RASSF3: variants seen among roughly 807,000 people sequenced by gnomAD.
RASSF3 encodes ras association domain-containing protein 3.
A neutral mutation model predicts 19.9 loss-of-function variants in RASSF3; 19 were observed. The ratio of observed to expected loss-of-function variants is 0.96; its 90% confidence interval spans 0.67 to 1.40. The LOEUF is 1.40. Ranked by LOEUF, RASSF3 falls within the 40% of genes most tolerant of loss-of-function variation. The pLI, the probability that RASSF3 is intolerant of heterozygous loss-of-function variation, is 0.00. For missense variants in RASSF3, 306 were observed against 289.8 expected (o/e 1.06, Z -0.41); for synonymous variants, 110 against 104.2 (o/e 1.06, Z -0.34).
chr12:64,509,007 C>T (rs1460769183), intron 1 of RASSF3, among the ~76,000 whole-genome samples: 6 of 150,742 alleles, frequency 4.0e-5, no homozygotes, highest in African/African-American at 1.2e-4. Flanking sequence ...TTTTTTCATT[C>T]TCACTGTCAA....
At chr12:64,617,420 A>G (rs1282949178) in intron 1 of RASSF3, among the ~76,000 whole-genome samples, 1 of 152,202 alleles carries the variant, frequency 6.6e-6, no homozygotes, top group South Asian at 2.1e-4. Flanking sequence ...AATGTTTTTA[A>G]AAAGCTTACC....
intron 3 of RASSF3, among the ~76,000 whole-genome samples, chr12:64,689,750 A>C (rs1873503683): frequency 7.1e-6 from 1 of 140,382 alleles, no homozygotes; most frequent in Admixed American, 7.2e-5. Context: ...ACCGGAGCTT[A>C]TATTCTGATT....
intron 1 of RASSF3, among the ~76,000 whole-genome samples, chr12:64,613,180 A>C (rs1019077351): frequency 1.3e-5 from 2 of 152,038 alleles, no homozygotes; most frequent in Non-Finnish European, 2.9e-5. Flanking sequence ...TTAATGTAGA[A>C]TGTTCCTTTT....
upstream of RASSF3, among the ~76,000 whole-genome samples, chr12:64,532,784 G>A (rs897674918): frequency 2.0e-5 from 3 of 151,658 alleles, no homozygotes; most frequent in Admixed American, 1.3e-4. Context: ...GCAGTGAGCC[G>A]AGTCATGCCA....
At chr12:64,630,160 T>C (rs987176475) in intron 1 of RASSF3, among the ~76,000 whole-genome samples, 11 of 152,096 alleles carry the variant, frequency 7.2e-5, no homozygotes, top group Admixed American at 6.6e-4. Context: ...GATTTTAAGA[T>C]TTTTCATTCA....
chr12:64,568,474 G>A (rs1374193015), intron 2 of RASSF3, among the ~76,000 whole-genome samples: 3 of 152,084 alleles, frequency 2.0e-5, no homozygotes, highest in Non-Finnish European at 4.4e-5. Context: ...TTCAAGTTGG[G>A]TGGGGCCATT....
intron 1 of RASSF3, among the ~76,000 whole-genome samples, chr12:64,635,126 G>T (rs1256268687): frequency 6.6e-6 from 1 of 151,796 alleles, no homozygotes; most frequent in African/African-American, 2.4e-5. Flanking sequence ...GCTAATTTTT[G>T]TATTTTTTGG....
At chr12:64,516,271 T>C (rs1289707595) in intron 1 of RASSF3, among the ~76,000 whole-genome samples, 1 of 152,144 alleles carries the variant, frequency 6.6e-6, no homozygotes, top group East Asian at 1.9e-4. Flanking sequence ...GTTCTAAATA[T>C]ACCATAAGAT....
In RASSF3 at chr12:64,561,759, C is replaced by T. The variant is rs1288222010; in HGVS notation, c.294+20054C>T. 4.0e-5 allele frequency among the ~76,000 whole-genome samples: 5 copies of T among 125,550 alleles called. 1 individual carries two copies. The South Asian group carries it at 7.9e-4, about 20-fold the overall frequency. 82.4% of individuals were successfully genotyped at this position (125,550 alleles called of 152,430 possible). ...AGATGGAGTCTCACTATGTCATGATCTCAGCTCACCGCAACCTCCACCTCC... is the reference window on the plus strand; with the variant it reads ...AGATGGAGTCTCACTATGTCATGATTTCAGCTCACCGCAACCTCCACCTCC... On this transcript the variant is annotated intron_variant, in intron 2 of 5. Coordinates refer to the RASSF3 transcript ENST00000637125.
intron 1 of RASSF3, among the ~76,000 whole-genome samples, chr12:64,620,884 A>G (rs1004319905): frequency 6.6e-6 from 1 of 152,118 alleles, no homozygotes; most frequent in African/African-American, 2.4e-5. Context: ...AAAAAACTTC[A>G]ATAACTAAAG....
At chr12:64,678,648 C>A (rs376427695) in intron 1 of RASSF3, among the ~76,000 whole-genome samples, 210 of 90,796 alleles carry the variant, frequency 2.3e-3, no homozygotes, top group South Asian at 5.5e-3. Context: ...TCCGTAATAC[C>A]AAAAAAAAAA....
chr12:64,643,744 G>T (rs1381302519), intron 1 of RASSF3, among the ~76,000 whole-genome samples: 3 of 152,000 alleles, frequency 2.0e-5, no homozygotes, highest in Admixed American at 6.6e-5. Flanking sequence ...AAAATGTTTT[G>T]CATGTGAATT....
chr12:64,546,596 A>G (rs1869068148), downstream of RASSF3, among the ~76,000 whole-genome samples: 2 of 152,202 alleles, frequency 1.3e-5, no homozygotes, highest in African/African-American at 2.4e-5. Flanking sequence ...AGTCTATCAA[A>G]TCAGTCTACT....
intron 1 of RASSF3, among the ~76,000 whole-genome samples, chr12:64,627,119 G>A (rs56061516): frequency 0.18 from 26,721 of 152,174 alleles, 2,544 homozygotes; most frequent in South Asian, 0.25. Flanking sequence ...ATAATTGTAA[G>A]TGTGGTAGCA....
chr12:64,663,889 T>A (rs1217258247), intron 1 of RASSF3, among the ~76,000 whole-genome samples: 1 of 149,468 alleles, frequency 6.7e-6, no homozygotes, highest in Non-Finnish European at 1.5e-5. Context: ...CTTTATTATG[T>A]CCAAAAGAGC....
intron 2 of RASSF3, among the ~76,000 whole-genome samples, chr12:64,564,799 G>A (rs1386656170): frequency 6.9e-6 from 1 of 144,270 alleles, no homozygotes; most frequent in African/African-American, 2.6e-5. Context: ...TTTTTTTTTT[G>A]AGAGGGAGTC....
intron 1 of RASSF3, among the ~76,000 whole-genome samples, chr12:64,634,763 A>G: frequency 6.1e-5 from 1 of 16,358 alleles, no homozygotes; most frequent in African/African-American, 5.4e-4. Flanking sequence ...ACCATCTCAT[A>G]AAAAAAAAAA....
At chr12:64,598,155 G>A in intron 2 of RASSF3, among the ~76,000 whole-genome samples, 1 of 152,206 alleles carries the variant, frequency 6.6e-6, no homozygotes, top group African/African-American at 2.4e-5. Flanking sequence ...CTGACCTCAA[G>A]TGACTTGCCC....
intron 1 of RASSF3, among the ~76,000 whole-genome samples, chr12:64,679,415 G>C (rs1432098605): frequency 6.6e-6 from 1 of 152,176 alleles, no homozygotes; most frequent in Non-Finnish European, 1.5e-5. Flanking sequence ...ATGTTTTTAT[G>C]TTTTTAATTT....
Sources: allele counts gnomAD v4.1 joint callset (sites outside exome capture counted in the v4.1 genomes callset), GRCh38; gene constraint gnomAD v4.1.1; transcripts MANE v1.5; gene names NCBI Gene and HGNC (gene_info 2026-07-23, HGNC 2026-07-21).